CACNA1C: variants seen among roughly 807,000 people sequenced by gnomAD.
CACNA1C encodes voltage-dependent L-type calcium channel subunit alpha-1C.
Under a neutral mutation model 229.0 loss-of-function variants are expected in CACNA1C, and 30 were observed. The observed-to-expected ratio is 0.13, with a 90% CI of 0.10 to 0.18. The LOEUF is 0.18. Ranked by LOEUF, CACNA1C falls within the 10% of genes least tolerant of loss-of-function variation. CACNA1C has a pLI of 1.00. For missense variants in CACNA1C, 1,658 were observed against 2,845.0 expected, an observed-to-expected ratio of 0.58 and a Z score of 9.49; for synonymous variants, 1,114 against 1,132.5, an observed-to-expected ratio of 0.98 and a Z score of 0.33.
intron 34 of CACNA1C, among the ~76,000 whole-genome samples, chr12:2,662,104 T>TAGCAGGTAGCAGGGACTACA (rs762779333): frequency 1.5e-4 from 23 of 151,736 alleles, no homozygotes; most frequent in Non-Finnish European, 2.8e-4. Context: ...TAGCCGGGCG[T>TAGCAGGTAGCAGGGACTACA]GGTAGCAGGC....
chr12:2,328,048 A>G (rs2096398307), intron 3 of CACNA1C, among the ~76,000 whole-genome samples: 1 of 152,246 alleles, frequency 6.6e-6, no homozygotes, highest in Non-Finnish European at 1.5e-5. Flanking sequence ...AGTTCTTTGC[A>G]GAGGAAGATT....
intron 1 of CACNA1C, among the ~76,000 whole-genome samples, chr12:1,987,918 C>T (rs1860621956): frequency 2.6e-5 from 4 of 152,184 alleles, no homozygotes; most frequent in Admixed American, 2.6e-4. Context: ...CATATCATCA[C>T]CAAACTCTTA....
chr12:2,563,992 A>G (rs778960023), intron 11 of CACNA1C, among the ~76,000 whole-genome samples: 3 of 152,208 alleles, frequency 2.0e-5, no homozygotes, highest in Non-Finnish European at 2.9e-5. Context: ...CCAGGAGGTG[A>G]CGCTGAGGCT....
At chr12:2,451,488 A>G (rs974297949) in intron 4 of CACNA1C, among the ~76,000 whole-genome samples, 6 of 152,194 alleles carry the variant, frequency 3.9e-5, no homozygotes, top group African/African-American at 1.4e-4. Context: ...AGTTGATTAT[A>G]TGTGCTTTGC....
chr12:2,250,579 G>A (rs2075238667), intron 3 of CACNA1C, among the ~76,000 whole-genome samples: 1 of 152,170 alleles, frequency 6.6e-6, no homozygotes, highest in Non-Finnish European at 1.5e-5. Flanking sequence ...GAGAGAGACT[G>A]GCACCTCCTC....
At chr12:2,500,511 C>T (rs1449148047) in intron 7 of CACNA1C, among the ~76,000 whole-genome samples, 2 of 152,192 alleles carry the variant, frequency 1.3e-5, no homozygotes, top group Admixed American at 6.5e-5. Context: ...GTTGCCTGGG[C>T]GCCATCGAGC....
intron 9 of CACNA1C, among the ~76,000 whole-genome samples, chr12:2,522,673 A>T (rs2099812228): frequency 6.6e-6 from 1 of 152,056 alleles, no homozygotes; most frequent in Non-Finnish European, 1.5e-5. Context: ...CAACTTTTAG[A>T]TTCTGAGTTT....
chr12:2,536,939 G>A (rs1025412736), intron 9 of CACNA1C, among the ~76,000 whole-genome samples: 3 of 152,170 alleles, frequency 2.0e-5, no homozygotes, highest in Admixed American at 6.5e-5. Context: ...TGGGGAAACC[G>A]AGCCACAGAA....
chr12:2,382,967 C>G (rs1200887314), intron 3 of CACNA1C, among the ~76,000 whole-genome samples: 1 of 152,152 alleles, frequency 6.6e-6, no homozygotes, highest in Non-Finnish European at 1.5e-5. Context: ...CTGGGCTCAG[C>G]AGGCTGGACC....
At chr12:2,183,582 C>G (rs2154286145) in intron 3 of CACNA1C, among the ~76,000 whole-genome samples, 1 of 152,338 alleles carries the variant, frequency 6.6e-6, no homozygotes, top group East Asian at 1.9e-4. Flanking sequence ...ACAGACCCCC[C>G]CCCGGCTTTC....
intron 3 of CACNA1C, among the ~76,000 whole-genome samples, chr12:2,156,932 G>C (rs1305593737): frequency 1.3e-5 from 2 of 152,208 alleles, no homozygotes; most frequent in Non-Finnish European, 2.9e-5. Flanking sequence ...AAAGTAGATG[G>C]ACAAGTAGTA....
intron 3 of CACNA1C, among the ~76,000 whole-genome samples, chr12:2,387,572 T>G (rs1342464767): frequency 6.6e-6 from 1 of 152,044 alleles, no homozygotes; most frequent in African/African-American, 2.4e-5. Flanking sequence ...CAATGACTAA[T>G]AATGAACTAA....
At chr12:2,183,039 T>G (rs2096888226) in intron 3 of CACNA1C, among the ~76,000 whole-genome samples, 2 of 152,102 alleles carry the variant, frequency 1.3e-5, no homozygotes, top group South Asian at 4.1e-4. Flanking sequence ...AAAATTATTA[T>G]TTTTAGTATT....
intron 1 of CACNA1C, among the ~76,000 whole-genome samples, chr12:2,111,508 G>T (rs2154130061): frequency 6.6e-6 from 1 of 151,062 alleles, no homozygotes; most frequent in South Asian, 2.1e-4. Context: ...GAGATGGGGG[G>T]ATTAAGGGCA....
At position 2,575,697 on chromosome 12, in the gene CACNA1C, C is replaced by A. The variant is rs2058137367; in HGVS notation, c.1896-5893C>A. Among the ~76,000 whole-genome samples the A allele has an allele frequency of 6.6e-6, 1 of 152,092 alleles. No homozygotes were observed. Among genetic ancestry groups the A allele is most frequent in the East Asian group, 1.9e-4 (1 of 5,186 alleles). Reference sequence around the variant, plus strand: ...GGGCAGGTATCAAACTCAGTTATGACCTTCTCTGGAACACAGAGAGAATAG... The same window carrying A: ...GGGCAGGTATCAAACTCAGTTATGAACTTCTCTGGAACACAGAGAGAATAG... On this transcript the variant is annotated intron_variant, in intron 13 of 46. Coordinates refer to ENST00000399655, the MANE Select transcript of CACNA1C (RefSeq NM_000719.7). The surrounding 1 kb of genome is among the most constrained non-coding windows in gnomAD (Gnocchi z 4.0).
intron 3 of CACNA1C, among the ~76,000 whole-genome samples, chr12:2,148,703 T>G (rs2094950362): frequency 6.6e-6 from 1 of 151,084 alleles, no homozygotes; most frequent in African/African-American, 2.4e-5. Context: ...CATGTGACAC[T>G]ACACCCGGCG....
chr12:2,547,658 T>G, intron 9 of CACNA1C: 1 of 611,526 alleles, frequency 1.6e-6, no homozygotes. Context: ...ATATATGTTG[T>G]GTGTGTGTGT....
chr12:2,314,132 C>T (rs1290569817), intron 3 of CACNA1C, among the ~76,000 whole-genome samples: 1 of 152,184 alleles, frequency 6.6e-6, no homozygotes, highest in Non-Finnish European at 1.5e-5. Flanking sequence ...CTAGCCACGT[C>T]ACCTTCTCTC....
At chr12:2,542,105 C>T (rs1207986465) in intron 9 of CACNA1C, among the ~76,000 whole-genome samples, 5 of 151,882 alleles carry the variant, frequency 3.3e-5, no homozygotes, top group African/African-American at 1.2e-4. Flanking sequence ...TCATTGTTTC[C>T]TTCGTGGATT....
Sources: allele counts gnomAD v4.1 joint callset (sites outside exome capture counted in the v4.1 genomes callset), GRCh38; gene constraint gnomAD v4.1.1; non-coding constraint Gnocchi (gnomAD v3.1); transcripts MANE v1.5; gene names NCBI Gene and HGNC (gene_info 2026-07-23, HGNC 2026-07-21).